The following WFDC12 variants were observed in gnomAD, a reference collection of about 807,000 sequenced individuals.
WFDC12 encodes the protein WAP four-disulfide core domain protein 12.
Under a neutral mutation model 7.3 loss-of-function variants are expected in WFDC12, and 4 were observed. The ratio of observed to expected loss-of-function variants is 0.55; its 90% CI spans 0.27 to 1.25. The LOEUF (loss-of-function observed/expected upper bound fraction) is 1.25. Among genes scored for constraint, WFDC12 ranks in the 50% most tolerant of loss-of-function variants. WFDC12 has a pLI of 0.12. For synonymous variants in WFDC12, 48 were observed against 49.5 expected, an observed-to-expected ratio of 0.97 and a Z score of 0.13; for missense variants, 156 against 134.4, an observed-to-expected ratio of 1.16 and a Z score of -0.80.
rs972542843 is a variant in WFDC12 at position 45,124,398 on chromosome 20, G to A, written c.50C>T (p.Thr17Ile). The part of the protein sequence containing the change: ...LVLMVSLVLV[T>I]LVAVEGVKEG... ...TTTAACTCCTTCCACAGCCACCAGG[G>A]TCACAAGAACGAGAGACACCATGAG... is the stretch of plus-strand genomic sequence containing the variant. The change falls in exon 1 of 3, where the codon ACC becomes ATC. Residue 17 changes from threonine (T) to isoleucine (I), a missense_variant. Transcript: ENST00000372785. 2.0e-5 allele frequency: 33 copies of A among 1,614,172 alleles called. No homozygotes were observed. The highest frequency in any genetic ancestry group is 2.6e-5 in the Non-Finnish European group (31 of 1,180,032).
rs1223365187 is a variant in WFDC12, at chr20:45,124,380, C to A, written c.68G>T (p.Gly23Val). ...LVLVTLVAVE[G>V]VKEGIEKAGV... ...CCATGTCTGCTCACCCTCTTTAACT[C>A]CTTCCACAGCCACCAGGGTCACAAG... The change falls in exon 1 of 3, where the codon GGA becomes GTA. Residue 23 changes from glycine (G) to valine (V), a missense_variant. Transcript: ENST00000372785. The A allele has an allele frequency of 6.2e-7, 1 of 1,614,258 alleles. No homozygotes were observed. The highest frequency in any genetic ancestry group is 1.7e-5 in the Admixed American group (1 of 60,038).
In WFDC12 at chr20:45,123,850, T is replaced by A; in HGVS notation, c.332A>T (p.Lys111Ile). 1.2e-6 allele frequency: 2 copies of A among 1,612,900 alleles called. No homozygotes were observed. Among genetic ancestry groups the A allele is most frequent in the Non-Finnish European group, 1.7e-6 (2 of 1,180,002 alleles). The change falls in exon 3 of 3, where the codon AAA (lysine) becomes ATA (isoleucine). Residue 111 changes from lysine to isoleucine, a missense_variant. Transcript: ENST00000372785. The stretch of plus-strand genomic sequence containing the variant: ...AGAGGTAGAAAGGACCCAGCATCAT[T>A]TCTGAGGACACCTGGTAGAGGAGGA... The part of the protein sequence containing the change: ...PGSSSTRCPQ[K>I]
chr20:45,124,309 G>A (rs981063887), intron 1 of WFDC12, 44 bp from the exon 2 acceptor site: 1 of 1,613,874 alleles, frequency 6.2e-7, no homozygotes, highest in African/African-American at 1.3e-5. Context: ...TCCAGCCCCA[G>A]AGGGCCCCTC....
In WFDC12 at chr20:45,123,783, C is replaced by T. The variant is rs1981921435; in HGVS notation, c.*63G>A. The T allele has an allele frequency of 6.5e-7, 1 of 1,541,496 alleles. No homozygotes were observed. Among genetic ancestry groups the T allele is most frequent in the South Asian group, 1.1e-5 (1 of 89,542 alleles). ...GTATTGCTTCTTCCATATTCCAAGT[C>T]TCAGGACCCTCAGGGGCAGGTGCCA... On this transcript the variant is annotated 3_prime_UTR_variant, in exon 3 of 3. Transcript: ENST00000372785.
At position 45,123,756 on chromosome 20, in the gene WFDC12, G is replaced by A; in HGVS notation, c.*90C>T. On this transcript the variant is annotated 3_prime_UTR_variant, in exon 3 of 3. Transcript: ENST00000372785. Reference sequence around the variant, plus strand: ...AGCTCAGGTTTTCTTTGGTGGGGTTGGGTATTGCTTCTTCCATATTCCAAG... The same window carrying A: ...AGCTCAGGTTTTCTTTGGTGGGGTTAGGTATTGCTTCTTCCATATTCCAAG... 7.7e-7 allele frequency: 1 copy of A among 1,304,930 alleles called. No individual in the cohort carries two copies. The highest frequency in any genetic ancestry group is 1.1e-6 in the Non-Finnish European group (1 of 911,320). 80.8% of individuals were successfully genotyped at this position (1,304,930 alleles called of 1,614,324 possible).
In WFDC12 at chr20:45,124,435, T is replaced by A; in HGVS notation, c.13A>T (p.Ser5Cys). 1 of 1,614,164 alleles carries A rather than the reference T, an allele frequency of 6.2e-7. No homozygotes were observed. Among genetic ancestry groups the A allele is most frequent in the African/African-American group, 1.3e-5 (1 of 75,030 alleles). Reference protein sequence around the residue: MGSSSFLVLMVSLVL... With the variant: MGSSCFLVLMVSLVL... ...AGAGACACCATGAGGACCAAGAAGCTGCTGGACCCCATGTTGCCAGGCAGG... is the reference window on the plus strand; with the variant it reads ...AGAGACACCATGAGGACCAAGAAGCAGCTGGACCCCATGTTGCCAGGCAGG... The change falls in exon 1 of 3, where the codon AGC becomes TGC. Residue 5 changes from serine to cysteine, a missense_variant. Coordinates refer to ENST00000372785, the MANE Select transcript of WFDC12 (RefSeq NM_080869.2).
rs572090420 is a variant in WFDC12 at position 45,123,805 on chromosome 20, G to A, written c.*41C>T. ...AGTCTCAGGACCCTCAGGGGCAGGT[G>A]CCAAGTGAGAGTGACCCCCAGAGGT... On this transcript the variant is annotated 3_prime_UTR_variant, in exon 3 of 3. Transcript: ENST00000372785. 6 of 1,595,764 alleles carry A rather than the reference G, an allele frequency of 3.8e-6. No homozygotes were observed. Among genetic ancestry groups the A allele is most frequent in the African/African-American group, 2.7e-5 (2 of 74,642 alleles).
chr20:45,123,797 G>T lies in WFDC12; in HGVS notation c.*49C>A. 2.5e-6 allele frequency: 4 copies of T among 1,583,736 alleles called. No homozygotes were observed. The highest frequency in any genetic ancestry group is 3.5e-6 in the Non-Finnish European group (4 of 1,154,610). On this transcript the variant is annotated 3_prime_UTR_variant, in exon 3 of 3. Coordinates refer to ENST00000372785, the MANE Select transcript of WFDC12 (RefSeq NM_080869.2). ...ATATTCCAAGTCTCAGGACCCTCAG[G>T]GGCAGGTGCCAAGTGAGAGTGACCC...
At position 45,123,828 on chromosome 20, in the gene WFDC12, G is replaced by A. The variant is rs769129457; in HGVS notation, c.*18C>T. ...GTGCCAAGTGAGAGTGACCCCCAGA[G>A]GTAGAAAGGACCCAGCATCATTTCT... On this transcript the variant is annotated 3_prime_UTR_variant, in exon 3 of 3. Coordinates refer to ENST00000372785, the MANE Select transcript of WFDC12 (RefSeq NM_080869.2). 1.2e-6 allele frequency: 2 copies of A among 1,611,578 alleles called. No homozygotes were observed. Among genetic ancestry groups the A allele is most frequent in the East Asian group, 4.5e-5 (2 of 44,882 alleles).
At position 45,123,642 on chromosome 20, in the gene WFDC12, G is replaced by A. The variant is rs904962201; in HGVS notation, c.*204C>T. 1.6e-6 allele frequency: 1 copy of A among 614,108 alleles called. No individual in the cohort carries two copies. Among genetic ancestry groups the A allele is most frequent in the South Asian group, 1.9e-5 (1 of 51,620 alleles). The allele number at this position is 614,108 out of a possible 1,614,324, so 38.0% of individuals were successfully genotyped here. A position where few individuals can be genotyped will look rare whatever the true frequency, so the allele number is the denominator to read the frequency against. ...ATGAGGGGTCCATTCATGAGCATTAGGGAGGAGCACCAGGTAGAGAGGGAA... is the reference window on the plus strand; with the variant it reads ...ATGAGGGGTCCATTCATGAGCATTAAGGAGGAGCACCAGGTAGAGAGGGAA... On this transcript the variant is annotated 3_prime_UTR_variant, in exon 3 of 3. Transcript: ENST00000372785.
rs1981914662 is a variant in WFDC12, at chr20:45,123,466, G to A, written c.*380C>T. The A allele has an allele frequency of 8.2e-6, 2 of 245,358 alleles. No individual in the cohort carries two copies. The highest frequency in any genetic ancestry group is 6.7e-5 in the South Asian group (1 of 14,842). The allele number at this position is 245,358 out of a possible 1,614,324, so 15.2% of individuals were successfully genotyped here. ...AATATTTATTTCTTACAGTTCTAGA[G>A]GCTGGGAAGTCCAAGATCAAGGCAC... On this transcript the variant is annotated 3_prime_UTR_variant, in exon 3 of 3. Transcript: ENST00000372785.
chr20:45,124,405 G>T lies in WFDC12; in HGVS notation c.43C>A (p.Leu15Ile). 1 of 1,614,100 alleles carries T rather than the reference G, an allele frequency of 6.2e-7. No individual in the cohort carries two copies. The highest frequency in any genetic ancestry group is 8.5e-7 in the Non-Finnish European group (1 of 1,180,008). The change falls in exon 1 of 3, where the codon CTT (leucine) becomes ATT (isoleucine). Residue 15 changes from leucine to isoleucine, a missense_variant. By Grantham distance (5) the Leu-to-Ile change is conservative (BLOSUM62 2). Coordinates refer to ENST00000372785, the MANE Select transcript of WFDC12 (RefSeq NM_080869.2). Reference sequence around the variant, plus strand: ...CCTTCCACAGCCACCAGGGTCACAAGAACGAGAGACACCATGAGGACCAAG... The same window carrying T: ...CCTTCCACAGCCACCAGGGTCACAATAACGAGAGACACCATGAGGACCAAG... Reference protein sequence around the residue: ...SFLVLMVSLVLVTLVAVEGVK... With the variant: ...SFLVLMVSLVIVTLVAVEGVK...
Position 45,124,461 on chromosome 20 carries a change from T to C in WFDC12, c.-14A>G. On this transcript the variant is annotated 5_prime_UTR_variant, in exon 1 of 3. Transcript: ENST00000372785. ...GCTGGACCCCATGTTGCCAGGCAGGTGCTTGGCTGGGAGCTGGGCTGAGCC... is the reference window on the plus strand; with the variant it reads ...GCTGGACCCCATGTTGCCAGGCAGGCGCTTGGCTGGGAGCTGGGCTGAGCC... The C allele has an allele frequency of 6.2e-7, 1 of 1,614,056 alleles. No homozygotes were observed. Among genetic ancestry groups the C allele is most frequent in the Non-Finnish European group, 8.5e-7 (1 of 1,179,970 alleles).
chr20:45,123,806 C>T lies in WFDC12; in HGVS notation c.*40G>A. 1 of 1,602,118 alleles carries T rather than the reference C, an allele frequency of 6.2e-7. No individual in the cohort carries two copies. Among genetic ancestry groups the T allele is most frequent in the Non-Finnish European group, 8.5e-7 (1 of 1,171,044 alleles). ...GTCTCAGGACCCTCAGGGGCAGGTG[C>T]CAAGTGAGAGTGACCCCCAGAGGTA... On this transcript the variant is annotated 3_prime_UTR_variant, in exon 3 of 3. Coordinates refer to ENST00000372785, the MANE Select transcript of WFDC12 (RefSeq NM_080869.2).
In WFDC12 at chr20:45,123,806, C is replaced by A. The variant is rs747719069; in HGVS notation, c.*40G>T. The A allele has an allele frequency of 5.6e-6, 9 of 1,602,000 alleles. No individual in the cohort carries two copies. In the Admixed American group the frequency reaches 1.5e-4, roughly 27 times the overall value. On this transcript the variant is annotated 3_prime_UTR_variant, in exon 3 of 3. Coordinates refer to ENST00000372785, the MANE Select transcript of WFDC12 (RefSeq NM_080869.2). ...GTCTCAGGACCCTCAGGGGCAGGTG[C>A]CAAGTGAGAGTGACCCCCAGAGGTA...
Position 45,124,121 on chromosome 20 carries a change from T to G in WFDC12, c.224A>C (p.Lys75Thr), listed in dbSNP as rs1276533839. 2.5e-6 allele frequency: 4 copies of G among 1,614,026 alleles called. No individual in the cohort carries two copies. The highest frequency in any genetic ancestry group is 3.4e-6 in the Non-Finnish European group (4 of 1,180,030). ...HCGFKCVIPV[K>T]ELEEGGNKDE... The stretch of plus-strand genomic sequence containing the variant: ...GGTCTCCTTACCTTCTTCCAGTTCC[T>G]TCACAGGAATCACACACTTGAAGCC... Residue 75 changes from lysine to threonine, a missense_variant, in exon 2 of 3, where the codon AAG becomes ACG. Lys to Thr is a moderately conservative substitution (Grantham distance 78, BLOSUM62 -1). Transcript: ENST00000372785.
chr20:45,123,618 T>G lies in WFDC12; in HGVS notation c.*228A>C. On this transcript the variant is annotated 3_prime_UTR_variant, in exon 3 of 3. Transcript: ENST00000372785. ...CTTATAAGGGCACTGGTTTCATTCATGAGGGGTCCATTCATGAGCATTAGG... is the reference window on the plus strand; with the variant it reads ...CTTATAAGGGCACTGGTTTCATTCAGGAGGGGTCCATTCATGAGCATTAGG... 1 of 580,110 alleles carries G rather than the reference T, an allele frequency of 1.7e-6. No homozygotes were observed. The allele number at this position is 580,110 out of a possible 1,614,324, so 35.9% of individuals were successfully genotyped here.
chr20:45,124,227 G>A lies in WFDC12; in HGVS notation c.118C>T (p.Arg40Cys), dbSNP rs144241239. 63 of 1,614,154 alleles carry A rather than the reference G, an allele frequency of 3.9e-5. No individual in the cohort carries two copies. The East Asian group carries it at 5.8e-4, about 15-fold the overall frequency. ...KAGVCPADNV[R>C]CFKSDPPQCH... is the part of the protein sequence containing the mutation. Reference sequence around the variant, plus strand: ...TGGGGAGGATCGGACTTGAAGCAGCGTACGTTGTCAGCTGGGCAAACCCCT... The same window carrying A: ...TGGGGAGGATCGGACTTGAAGCAGCATACGTTGTCAGCTGGGCAAACCCCT... The change falls in exon 2 of 3, where the codon CGC becomes TGC. Residue 40 changes from arginine (R) to cysteine (C), a missense_variant. Coordinates refer to ENST00000372785, the MANE Select transcript of WFDC12 (RefSeq NM_080869.2).
Position 45,123,832 on chromosome 20 carries a change from G to T in WFDC12, c.*14C>A. On this transcript the variant is annotated 3_prime_UTR_variant, in exon 3 of 3. Coordinates refer to ENST00000372785, the MANE Select transcript of WFDC12 (RefSeq NM_080869.2). ...CAAGTGAGAGTGACCCCCAGAGGTA[G>T]AAAGGACCCAGCATCATTTCTGAGG... The T allele has an allele frequency of 6.2e-7, 1 of 1,612,306 alleles. No homozygotes were observed. The highest frequency in any genetic ancestry group is 8.5e-7 in the Non-Finnish European group (1 of 1,179,824).
Sources: gnomAD v4.1 joint callset for allele counts on GRCh38, gnomAD v4.1.1 for gene constraint, MANE v1.5 for transcripts, NCBI Gene and HGNC (gene_info 2026-07-23, HGNC 2026-07-21) for gene names.